Variants in ABCA13 observed in about 807,000 individuals in gnomAD.
ABCA13 encodes ATP-binding cassette sub-family A member 13.
Under a neutral mutation model 478.7 loss-of-function variants are expected in ABCA13, and 476 were observed. The observed-to-expected ratio is 0.99, with a 90% CI of 0.92 to 1.07. The LOEUF (loss-of-function observed/expected upper bound fraction) is 1.07. Ranked by LOEUF, ABCA13 falls within the 50% of genes least tolerant of loss-of-function variation. ABCA13 has a pLI of 0.00. For synonymous variants in ABCA13, 2,252 were observed against 2,158.9 expected (o/e 1.04, Z -1.20); for missense variants, 6,060 against 5,910.6 (o/e 1.03, Z -0.83).
Position 48,279,361 on chromosome 7 carries a change from ATAT to A in ABCA13, c.8171_8173del (p.Leu2724del), listed in dbSNP as rs762385139. On this transcript the variant is annotated inframe_deletion, in exon 18 of 62. Coordinates refer to ENST00000435803, the MANE Select transcript of ABCA13 (RefSeq NM_152701.5). ...TGAAGTGATCCCTTTTTTGGATAAAATATTATCACAAAACAGCACAGAAATAGG... is the reference window on the plus strand; with the variant it reads ...TGAAGTGATCCCTTTTTTGGATAAAATATCACAAAACAGCACAGAAATAGG... 6.3e-7 allele frequency: 1 copy of A among 1,589,862 alleles called. No homozygotes were observed. Among genetic ancestry groups the A allele is most frequent in the East Asian group, 2.3e-5 (1 of 44,404 alleles).
chr7:48,435,608 C>T (rs2129151830), intron 42 of ABCA13, among the ~76,000 whole-genome samples: 1 of 151,690 alleles, frequency 6.6e-6, no homozygotes, highest in Admixed American at 6.6e-5. Flanking sequence ...TTAGAGGAAA[C>T]ATTTTTAGTC....
At chr7:48,547,504 A>G (rs1205659959) in intron 55 of ABCA13, among the ~76,000 whole-genome samples, 1 of 151,802 alleles carries the variant, frequency 6.6e-6, no homozygotes, top group Non-Finnish European at 1.5e-5. Flanking sequence ...GTAGATCTGT[A>G]TTAGATGGGT....
chr7:48,618,020 A>T (rs1022597708), intron 59 of ABCA13, among the ~76,000 whole-genome samples: 2 of 152,206 alleles, frequency 1.3e-5, no homozygotes, highest in Non-Finnish European at 2.9e-5. Flanking sequence ...CCCCAGGCAC[A>T]GCCCTCAGAG....
chr7:48,460,912 T>A (rs1826174212), intron 43 of ABCA13, among the ~76,000 whole-genome samples: 1 of 152,248 alleles, frequency 6.6e-6, no homozygotes, highest in South Asian at 2.1e-4. Context: ...GTATACTTCA[T>A]GATCCAGTGA....
chr7:48,588,784 G>A (rs1789450861), intron 57 of ABCA13, among the ~76,000 whole-genome samples: 2 of 152,180 alleles, frequency 1.3e-5, no homozygotes, highest in South Asian at 4.1e-4. Context: ...ACTGTTCAGA[G>A]CAATAGGTTA....
At position 48,273,669 on chromosome 7, in the gene ABCA13, A is replaced by G; in HGVS notation, c.4003A>G (p.Arg1335Gly). The G allele has an allele frequency of 6.2e-7, 1 of 1,607,984 alleles. No homozygotes were observed. Among genetic ancestry groups the G allele is most frequent in the South Asian group, 1.1e-5 (1 of 90,246 alleles). Reference protein sequence around the residue: ...TELREAIVFLRNVSHDRDLFS... With the variant: ...TELREAIVFLGNVSHDRDLFS... Reference sequence around the variant, plus strand: ...GCTAAGAGAAGCAATAGTATTTCTTAGAAATGTATCACATGATCGAGATTT... The same window carrying G: ...GCTAAGAGAAGCAATAGTATTTCTTGGAAATGTATCACATGATCGAGATTT... The change falls in exon 17 of 62, where the codon AGA becomes GGA. Residue 1335 changes from arginine (R) to glycine (G), a missense_variant. Arg to Gly is a moderately radical substitution (Grantham distance 125). Coordinates refer to ENST00000435803, the MANE Select transcript of ABCA13 (RefSeq NM_152701.5).
chr7:48,247,850 A>G (rs1181320790), intron 13 of ABCA13, among the ~76,000 whole-genome samples: 1 of 152,150 alleles, frequency 6.6e-6, no homozygotes, highest in East Asian at 1.9e-4. Context: ...TAGAACTGGC[A>G]CAATTCACTT....
intron 42 of ABCA13, among the ~76,000 whole-genome samples, chr7:48,439,761 G>C (rs1585327357): frequency 6.6e-6 from 1 of 152,130 alleles, no homozygotes; most frequent in Admixed American, 6.5e-5. Flanking sequence ...TCTTCAAAGT[G>C]AGCAGGATAA....
Position 48,551,604 on chromosome 7 carries a change from G to A in ABCA13, c.14354+23259G>A, listed in dbSNP as rs138874542. On this transcript the variant is annotated intron_variant, in intron 55 of 61. Coordinates refer to ENST00000435803, the MANE Select transcript of ABCA13 (RefSeq NM_152701.5). The stretch of plus-strand genomic sequence containing the variant: ...TTATTTTTTCTTTTCAAATAAATTC[G>A]TATGTATTGCACTCTTTTTTTTTTT... Among the ~76,000 whole-genome samples the A allele has an allele frequency of 7.6e-3, 950 of 125,658 alleles. 16 individuals are homozygous for A. The highest frequency in any genetic ancestry group is 0.029 in the African/African-American group (903 of 30,884). 82.4% of individuals were successfully genotyped at this position (125,658 alleles called of 152,430 possible).
intron 59 of ABCA13, among the ~76,000 whole-genome samples, chr7:48,641,676 G>A (rs1376432418): frequency 2.0e-5 from 3 of 152,108 alleles, no homozygotes; most frequent in East Asian, 3.9e-4. Context: ...ACATCTCCAT[G>A]CAACACATCC....
At position 48,576,894 on chromosome 7, in the gene ABCA13, C is replaced by A. The variant is rs536907237; in HGVS notation, c.14355-3330C>A. Among the ~76,000 whole-genome samples, 3 of 152,214 alleles carry A rather than the reference C, an allele frequency of 2.0e-5. No individual in the cohort carries two copies. In the East Asian group the frequency reaches 5.8e-4, roughly 29 times the overall value. Reference sequence around the variant, plus strand: ...TCATCCAAACTATGCTGTCAAACCACAATGGAATTAAACTAGAAATAAAAA... The same window carrying A: ...TCATCCAAACTATGCTGTCAAACCAAAATGGAATTAAACTAGAAATAAAAA... On this transcript the variant is annotated intron_variant, in intron 55 of 61. Transcript: ENST00000435803.
Position 48,244,662 on chromosome 7 carries a change from C to T in ABCA13, c.1349C>T (p.Ala450Val). ...ALKRFLQLDGALRNAIAQNLH... is the reference protein window; with the variant it reads ...ALKRFLQLDGVLRNAIAQNLH... ...AAGAGATTTCTTCAGCTTGATGGAG[C>T]TCTCAGAAATGCGATAGCTCAGAAT... Residue 450 changes from alanine (A) to valine (V), a missense_variant, in exon 11 of 62, where the codon GCT (alanine) becomes GTT (valine). Ala to Val is a moderately conservative substitution (Grantham distance 64). Around this residue, in one of 3 missense-constraint regions of ABCA13, gnomAD observed 4,423 missense variants for 4,309.1 expected, o/e 1.03. Coordinates refer to ENST00000435803, the MANE Select transcript of ABCA13 (RefSeq NM_152701.5). 2 of 1,610,804 alleles carry T rather than the reference C, an allele frequency of 1.2e-6. No individual in the cohort carries two copies. Among genetic ancestry groups the T allele is most frequent in the Non-Finnish European group, 1.7e-6 (2 of 1,178,138 alleles).
Position 48,275,667 on chromosome 7 carries a change from A to G in ABCA13, c.6001A>G (p.Asn2001Asp). The G allele has an allele frequency of 2.5e-6, 4 of 1,599,368 alleles. No individual in the cohort carries two copies. Among genetic ancestry groups the G allele is most frequent in the Non-Finnish European group, 3.4e-6 (4 of 1,172,042 alleles). ...ATCTGTTCAAAATATTATTTCCTCA[A>G]ATTTGGAAAGGACAGTACAATTGAT... Reference protein sequence around the residue: ...ETSVQNIISSNLERTVQLISE... With the variant: ...ETSVQNIISSDLERTVQLISE... Residue 2001 changes from asparagine to aspartate, a missense_variant, in exon 17 of 62, where the codon AAT becomes GAT. Asn to Asp is a conservative substitution (Grantham distance 23). Around this residue, in one of 3 missense-constraint regions of ABCA13, gnomAD observed 4,423 missense variants for 4,309.1 expected, o/e 1.03. Transcript: ENST00000435803.
intron 23 of ABCA13, among the ~76,000 whole-genome samples, chr7:48,303,629 G>C (rs1053469743): frequency 6.6e-6 from 1 of 152,078 alleles, no homozygotes; most frequent in Non-Finnish European, 1.5e-5. Context: ...GTTTGTCGAA[G>C]ATCAGATAGT....
chr7:48,612,833 G>A (rs1330290815), intron 58 of ABCA13, among the ~76,000 whole-genome samples: 1 of 151,438 alleles, frequency 6.6e-6, no homozygotes, highest in Admixed American at 6.6e-5. Context: ...GACATATTGA[G>A]AATTACTGAG....
rs746899762 is a variant in ABCA13, at chr7:48,580,306, C to T, written c.14437C>T (p.Leu4813=). The T allele has an allele frequency of 5.0e-6, 8 of 1,612,924 alleles. No individual in the cohort carries two copies. The African/African-American group carries it at 6.7e-5, about 13-fold the overall frequency. ...CCAGCAGGATGCCCTGGACGAGCTT[C>T]TGACTGGTTGGGAACATCTCTATTA... is the stretch of plus-strand genomic sequence containing the variant. The part of the protein sequence containing the change: ...CPQQDALDEL[L]TGWEHLYYYC... Residue 4813 remains leucine (L), a synonymous_variant, in exon 56 of 62, where the codon CTG becomes TTG. Coordinates refer to ENST00000435803, the MANE Select transcript of ABCA13 (RefSeq NM_152701.5).
intron 26 of ABCA13, among the ~76,000 whole-genome samples, chr7:48,314,669 C>G (rs1188105784): frequency 6.6e-6 from 1 of 152,144 alleles, no homozygotes; most frequent in East Asian, 1.9e-4. Context: ...GAAACCCCAG[C>G]CCCATTGGTT....
At chr7:48,266,090 A>G (rs944514580) in intron 15 of ABCA13, among the ~76,000 whole-genome samples, 10 of 151,730 alleles carry the variant, frequency 6.6e-5, no homozygotes, top group African/African-American at 2.4e-4. Context: ...CTTATTTTAA[A>G]TGTTAAATTA....
At chr7:48,426,777 T>A (rs77231578) in intron 41 of ABCA13, among the ~76,000 whole-genome samples, 2 of 152,202 alleles carry the variant, frequency 1.3e-5, no homozygotes, top group African/African-American at 2.4e-5. Flanking sequence ...AAACCTTGGC[T>A]AACCACATGA....
Sources: gnomAD v4.1 joint callset for allele counts (sites outside exome capture counted in the v4.1 genomes callset) on GRCh38, gnomAD v4.1.1 for gene constraint, gnomAD v4.1.1 regional missense constraint, MANE v1.5 for transcripts, NCBI Gene and HGNC (gene_info 2026-07-23, HGNC 2026-07-21) for gene names.